Variants in NEMF observed in about 807,000 individuals in gnomAD.
NEMF encodes ribosome quality control complex subunit NEMF.
NEMF carries 89 observed loss-of-function variants against 162.2 expected under a neutral mutation model. The observed-to-expected ratio is 0.55, with a 90% CI of 0.46 to 0.65. NEMF has a LOEUF of 0.65. Among genes scored for constraint, NEMF ranks in the 30% least tolerant of loss-of-function variants. The pLI is 0.00. For synonymous variants in NEMF, 421 were observed against 404.5 expected (o/e 1.04, Z -0.49); for missense variants, 1,133 against 1,261.9 (o/e 0.90, Z 1.55).
At chr14:49,828,024 G>A (rs1037585830) in intron 15 of NEMF, among the ~76,000 whole-genome samples, 3 of 152,144 alleles carry the variant, frequency 2.0e-5, no homozygotes, top group Non-Finnish European at 2.9e-5. Flanking sequence ...TGGATTGCAT[G>A]ATTTATGGGA....
chr14:49,838,795 AGGAT>A (rs1354960163), intron 5 of NEMF, among the ~76,000 whole-genome samples: 1 of 152,114 alleles, frequency 6.6e-6, no homozygotes, highest in Non-Finnish European at 1.5e-5. Flanking sequence ...CGTGTTAGCC[AGGAT>A]GGTCTCAATC....
intron 18 of NEMF, among the ~76,000 whole-genome samples, chr14:49,812,564 C>A (rs921305486): frequency 2.0e-5 from 3 of 152,142 alleles, no homozygotes; most frequent in African/African-American, 7.2e-5. Context: ...AAGGGCTGCT[C>A]TTCTTGCATC....
chr14:49,838,736 C>T (rs958092770), intron 5 of NEMF, among the ~76,000 whole-genome samples: 4 of 151,946 alleles, frequency 2.6e-5, no homozygotes, highest in African/African-American at 9.7e-5. Context: ...AGGCGCCCGC[C>T]ACCACGCCCG....
rs1363577005 is a variant in NEMF, at chr14:49,852,775, C to T, written c.-22G>A. On this transcript the variant is annotated 5_prime_UTR_variant, in exon 1 of 33. Transcript: ENST00000298310. Reference sequence around the variant, plus strand: ...TCATGGCGAGGCCCGAGGGTCACTACCGCAAGTTCCTCTACTGCCCGGCCG... The same window carrying T: ...TCATGGCGAGGCCCGAGGGTCACTATCGCAAGTTCCTCTACTGCCCGGCCG... 4 of 1,613,810 alleles carry T rather than the reference C, an allele frequency of 2.5e-6. No individual in the cohort carries two copies. Among genetic ancestry groups the T allele is most frequent in the South Asian group, 1.1e-5 (1 of 91,086 alleles).
chr14:49,784,401 T>A lies in NEMF; in HGVS notation c.*235A>T. 1 of 411,944 alleles carries A rather than the reference T, an allele frequency of 2.4e-6. No individual in the cohort carries two copies. The highest frequency in any genetic ancestry group is 4.3e-6 in the Non-Finnish European group (1 of 231,390). The allele number at this position is 411,944 out of a possible 1,614,324, so 25.5% of individuals were successfully genotyped here. A position where few individuals can be genotyped will look rare whatever the true frequency, so the allele number is the denominator to read the frequency against. ...AGAAAATGTAGAATAACTACAGATGTATATTAATTAGCATTTAACTGTCCA... is the reference window on the plus strand; with the variant it reads ...AGAAAATGTAGAATAACTACAGATGAATATTAATTAGCATTTAACTGTCCA... On this transcript the variant is annotated 3_prime_UTR_variant, in exon 33 of 33. Transcript: ENST00000298310.
chr14:49,799,008 G>T (rs1890822247), intron 25 of NEMF, among the ~76,000 whole-genome samples: 1 of 151,834 alleles, frequency 6.6e-6, no homozygotes, highest in Non-Finnish European at 1.5e-5. Flanking sequence ...GAGCCCAGGG[G>T]TTTAAGACCA....
At chr14:49,795,197 A>G (rs1890634632) in intron 26 of NEMF, among the ~76,000 whole-genome samples, 1 of 151,942 alleles carries the variant, frequency 6.6e-6, no homozygotes, top group Non-Finnish European at 1.5e-5. Context: ...TTAGCTGAGC[A>G]TGGTGGCATG....
chr14:49,822,131 C>T (rs1892096441), intron 16 of NEMF, among the ~76,000 whole-genome samples: 1 of 151,888 alleles, frequency 6.6e-6, no homozygotes, highest in African/African-American at 2.4e-5. Context: ...TGAGAGTCAT[C>T]ACCACTCCCC....
intron 16 of NEMF, among the ~76,000 whole-genome samples, chr14:49,825,499 G>A (rs1892291344): frequency 6.6e-6 from 1 of 152,178 alleles, no homozygotes; most frequent in Non-Finnish European, 1.5e-5. Context: ...CAGCACTGAG[G>A]CTGAGGCAGG....
chr14:49,829,831 A>G (rs1446728784), intron 11 of NEMF, among the ~76,000 whole-genome samples: 1 of 152,064 alleles, frequency 6.6e-6, no homozygotes, highest in Non-Finnish European at 1.5e-5. Context: ...CTGCTCTCCA[A>G]TGTCTGAGCT....
intron 3 of NEMF, among the ~76,000 whole-genome samples, chr14:49,847,360 C>G (rs1229559550): frequency 6.6e-6 from 1 of 151,946 alleles, no homozygotes; most frequent in Non-Finnish European, 1.5e-5. Flanking sequence ...CCCACTACCA[C>G]GCCTGGCTAA....
At chr14:49,851,492 A>C in intron 3 of NEMF, 71 bp downstream of exon 3, 1 of 1,019,562 alleles carries the variant, frequency 9.8e-7, no homozygotes, top group Non-Finnish European at 1.5e-6. Context: ...ACAGTGAAGG[A>C]AACCCCAATT....
chr14:49,838,147 G>A lies in NEMF; in HGVS notation c.566C>T (p.Pro189Leu). The part of the protein sequence containing the change: ...KGELLKRVLN[P>L]LLPYGPALIE... The stretch of plus-strand genomic sequence containing the variant: ...TTTGCAGGAATACTCACGAAGTAAT[G>A]GGTTAAGCACCCTCTTCAGTAGTTC... The change falls in exon 6 of 33, where the codon CCA (proline) becomes CTA (leucine). Residue 189 changes from proline (P) to leucine (L), a missense_variant. Pro to Leu is a moderately conservative substitution (Grantham distance 98). Coordinates refer to ENST00000298310, the MANE Select transcript of NEMF (RefSeq NM_004713.6). 1 of 1,610,842 alleles carries A rather than the reference G, an allele frequency of 6.2e-7. No homozygotes were observed. Among genetic ancestry groups the A allele is most frequent in the Non-Finnish European group, 8.5e-7 (1 of 1,177,616 alleles).
chr14:49,852,683 A>G lies in NEMF; in HGVS notation c.59+12T>C. Reference sequence around the variant, plus strand: ...ACTCCCCACACGAGCCTCGTCACTTAGGGTACTGTACCTAGCATTCAGCTC... The same window carrying G: ...ACTCCCCACACGAGCCTCGTCACTTGGGGTACTGTACCTAGCATTCAGCTC... On this transcript the variant is annotated intron_variant, in intron 1 of 32. Coordinates refer to ENST00000298310, the MANE Select transcript of NEMF (RefSeq NM_004713.6). 6.2e-7 allele frequency: 1 copy of G among 1,614,118 alleles called. No individual in the cohort carries two copies. Among genetic ancestry groups the G allele is most frequent in the Non-Finnish European group, 8.5e-7 (1 of 1,179,934 alleles).
rs536826883 is a variant in NEMF, at chr14:49,799,372, T to C, written c.2465+103A>G. The C allele has an allele frequency of 6.9e-4, 547 of 790,338 alleles. 3 individuals are homozygous for C. The highest frequency in any genetic ancestry group is 7.9e-4 in the Non-Finnish European group (432 of 544,852). 49.0% of individuals were successfully genotyped at this position (790,338 alleles called of 1,614,324 possible). ...TTGTGCTAAATCTTGGTAAATTTAA[T>C]GAAGGAAGTCTTTAAACAGCTAAGT... On this transcript the variant is annotated intron_variant, in intron 25 of 32. Coordinates refer to ENST00000298310, the MANE Select transcript of NEMF (RefSeq NM_004713.6).
chr14:49,839,502 C>T (rs1418021434), intron 5 of NEMF: 3 of 152,258 alleles, frequency 2.0e-5, no homozygotes, highest in African/African-American at 7.2e-5. Context: ...TCAGCAGGGC[C>T]TTCCAGCTAG....
rs1891270779 is a variant in NEMF at position 49,807,488 on chromosome 14, A to G, written c.1745-1355T>C. ...AGCAGCTGTATCATTGTCCATTCCTACCAGCAGTATTCTATGTTCTCCACC... is the reference window on the plus strand; with the variant it reads ...AGCAGCTGTATCATTGTCCATTCCTGCCAGCAGTATTCTATGTTCTCCACC... On this transcript the variant is annotated intron_variant, in intron 18 of 32. Coordinates refer to ENST00000298310, the MANE Select transcript of NEMF (RefSeq NM_004713.6). 2.0e-5 allele frequency among the ~76,000 whole-genome samples: 3 copies of G among 151,562 alleles called. 1 individual carries two copies. The South Asian group carries it at 6.2e-4, about 32-fold the overall frequency.
chr14:49,800,504 G>A lies in NEMF; in HGVS notation c.2288C>T (p.Ser763Phe). Residue 763 changes from serine (S) to phenylalanine (F), a missense_variant, in exon 23 of 33, where the codon TCT becomes TTT. Ser to Phe is a radical substitution (Grantham distance 155). Coordinates refer to ENST00000298310, the MANE Select transcript of NEMF (RefSeq NM_004713.6). ...EYEEVRKDQDSVGEMKDEGEE... is the reference protein window; with the variant it reads ...EYEEVRKDQDFVGEMKDEGEE... The stretch of plus-strand genomic sequence containing the variant: ...CCCTTCATCCTTCATTTCACCAACA[G>A]AATCCTGATCTTTTCTAACCTCTTC... 4 of 1,613,822 alleles carry A rather than the reference G, an allele frequency of 2.5e-6. No homozygotes were observed. The highest frequency in any genetic ancestry group is 3.4e-6 in the Non-Finnish European group (4 of 1,179,820).
rs1444721683 is a variant in NEMF, at chr14:49,852,675, C to T, written c.59+20G>A. The T allele has an allele frequency of 6.2e-7, 1 of 1,613,842 alleles. No individual in the cohort carries two copies. The highest frequency in any genetic ancestry group is 1.3e-5 in the African/African-American group (1 of 74,950). ...CCTCCTGCACTCCCCACACGAGCCT[C>T]GTCACTTAGGGTACTGTACCTAGCA... On this transcript the variant is annotated intron_variant, in intron 1 of 32. Transcript: ENST00000298310.
Sources: gnomAD v4.1 joint callset for allele counts (sites outside exome capture counted in the v4.1 genomes callset) on GRCh38, gnomAD v4.1.1 for gene constraint, MANE v1.5 for transcripts, NCBI Gene and HGNC (gene_info 2026-07-23, HGNC 2026-07-21) for gene names.